Variants in UACA observed in about 807,000 individuals in gnomAD.
UACA encodes the protein nuclear membrane binding protein.
Under a neutral mutation model 160.5 loss-of-function variants are expected in UACA, and 112 were observed. That is an observed-to-expected ratio of 0.70 (90% CI 0.60 to 0.82). The LOEUF (loss-of-function observed/expected upper bound fraction) is 0.82, where lower values mean the gene tolerates loss of function less well. Ranked by LOEUF, UACA falls within the 40% of genes least tolerant of loss-of-function variation. The probability of loss-of-function intolerance (pLI) is 0.00; values close to 1 mark genes in which losing one functional copy is unlikely to be tolerated. For synonymous variants in UACA, 557 were observed against 568.4 expected (o/e 0.98, Z 0.29); for missense variants, 1,574 against 1,614.6 (o/e 0.97, Z 0.43).
chr15:70,749,948 G>A (rs933990308), intron 1 of UACA, among the ~76,000 whole-genome samples: 10 of 152,112 alleles, frequency 6.6e-5, no homozygotes, highest in African/African-American at 1.9e-4. Flanking sequence ...CTCTTACAGC[G>A]TAATTACCAT....
intron 1 of UACA, among the ~76,000 whole-genome samples, chr15:70,712,076 A>ATATATATATATATATATATATATATAT (rs1898700698): frequency 6.7e-6 from 1 of 149,106 alleles, no homozygotes; most frequent in Non-Finnish European, 1.5e-5. Flanking sequence ...ATCTCCATAT[A>ATATATATATATATATATATATATATAT]CCTTCTTCAT....
At chr15:70,688,125 A>G (rs1420945866) in intron 5 of UACA, among the ~76,000 whole-genome samples, 1 of 152,294 alleles carries the variant, frequency 6.6e-6, no homozygotes, top group Non-Finnish European at 1.5e-5. Flanking sequence ...TACTTACAGT[A>G]TATTTTTAAA....
chr15:70,669,229 C>T lies in UACA; in HGVS notation c.1455G>A (p.Lys485=), dbSNP rs1163578023. The change falls in exon 16 of 19, where the codon AAG becomes AAA. Residue 485 remains lysine (K), a synonymous_variant. Transcript: ENST00000322954. The part of the protein sequence containing the change: ...KALALECERV[K]EDSDEQIKQL... ...GCTTTATCTGTTCATCTGAATCCTC[C>T]TTGACCCTTTCACATTCTAATGCTA... 4 of 1,614,024 alleles carry T rather than the reference C, an allele frequency of 2.5e-6. No individual in the cohort carries two copies. In the East Asian group the frequency reaches 8.9e-5, roughly 36 times the overall value.
intron 4 of UACA, among the ~76,000 whole-genome samples, chr15:70,690,781 T>G (rs1284881938): frequency 6.6e-6 from 1 of 152,138 alleles, no homozygotes; most frequent in East Asian, 1.9e-4. Context: ...TTTGGGGTTT[T>G]TTTTTCCACC....
chr15:70,667,024 A>C lies in UACA; in HGVS notation c.3660T>G (p.Thr1220=), dbSNP rs1295306150. 1 of 1,613,342 alleles carries C rather than the reference A, an allele frequency of 6.2e-7. No homozygotes were observed. The highest frequency in any genetic ancestry group is 1.7e-5 in the Admixed American group (1 of 59,934). The change falls in exon 16 of 19, where the codon ACT becomes ACG. Residue 1220 remains threonine (T), a synonymous_variant. Coordinates refer to ENST00000322954, the MANE Select transcript of UACA (RefSeq NM_018003.4). ...NTKQALKKLE[T]REVVDLSKYK... The stretch of plus-strand genomic sequence containing the variant: ...ATTTAGACAAGTCAACTACCTCTCT[A>C]GTCTCTAATTTTTTTAATGCTTGTT...
intron 1 of UACA, among the ~76,000 whole-genome samples, chr15:70,736,447 G>C (rs893984479): frequency 8.6e-5 from 13 of 151,630 alleles, no homozygotes; most frequent in South Asian, 6.3e-4. Flanking sequence ...GCTTTTTTTG[G>C]GGGGTGGGAT....
At chr15:70,709,545 A>G (rs184131057) in intron 1 of UACA, among the ~76,000 whole-genome samples, 1 of 152,318 alleles carries the variant, frequency 6.6e-6, no homozygotes, top group East Asian at 1.9e-4. Context: ...AAAGCCTAGA[A>G]TACATTTAAG....
Position 70,664,728 on chromosome 15 carries a change from G to GT in UACA, c.4046_4047insA (p.Lys1350GlnfsTer8). The stretch of plus-strand genomic sequence containing the variant: ...TGTCAATCAGCTGGCTCTGCCTCTT[G>GT]GTGGGGTTCCCACTTGTGTAGGTGA... On this transcript the variant is annotated frameshift_variant, in exon 17 of 19. Transcript: ENST00000322954. LOFTEE classifies it high-confidence loss of function. 6.2e-7 allele frequency: 1 copy of GT among 1,613,622 alleles called. No individual in the cohort carries two copies. The highest frequency in any genetic ancestry group is 8.5e-7 in the Non-Finnish European group (1 of 1,179,804).
intron 3 of UACA, 68 bp from the exon 4 acceptor site, chr15:70,691,431 AAT>A (rs1897930915): frequency 1.7e-6 from 2 of 1,196,502 alleles, no homozygotes; most frequent in East Asian, 2.4e-5. Flanking sequence ...TTTTTATAGA[AAT>A]ATGATTCTTT....
intron 16 of UACA, among the ~76,000 whole-genome samples, chr15:70,666,186 G>A (rs887010489): frequency 6.6e-6 from 1 of 152,138 alleles, no homozygotes; most frequent in Non-Finnish European, 1.5e-5. Context: ...TTAAGAAGGA[G>A]GATAACATGT....
At chr15:70,770,103 T>G in the UACA span, among the ~76,000 whole-genome samples, 2 of 152,236 alleles carry the variant, frequency 1.3e-5, no homozygotes, top group South Asian at 4.1e-4. Context: ...TTTTTGAACA[T>G]TTGATTACCA....
intron 2 of UACA, among the ~76,000 whole-genome samples, chr15:70,697,802 G>C (rs11072214): frequency 6.6e-6 from 1 of 152,162 alleles, no homozygotes; most frequent in Non-Finnish European, 1.5e-5. Flanking sequence ...TGTAATCCCA[G>C]TACTTTGGGA....
chr15:70,676,504 T>C lies in UACA; in HGVS notation c.1120A>G (p.Lys374Glu). 2 of 1,608,736 alleles carry C rather than the reference T, an allele frequency of 1.2e-6. No individual in the cohort carries two copies. Among genetic ancestry groups the C allele is most frequent in the East Asian group, 4.5e-5 (2 of 44,714 alleles). ...RTIEALKNRF[K>E]YFESDHLGSG... ...TATCCTTTCTATACCTCAAAATATT[T>C]AAATCTATTTTTCAGAGCCTCAATA... The change falls in exon 13 of 19, where the codon AAA (lysine) becomes GAA (glutamate). Residue 374 changes from lysine to glutamate, a missense_variant. Physicochemically the swap from Lys to Glu is moderately conservative, Grantham distance 56 (BLOSUM62 1). Transcript: ENST00000322954.
At chr15:70,683,658 A>T (rs1221777310) in intron 8 of UACA, among the ~76,000 whole-genome samples, 1 of 152,136 alleles carries the variant, frequency 6.6e-6, no homozygotes, top group Non-Finnish European at 1.5e-5. Flanking sequence ...CTATAGAAAA[A>T]CTATTTTTGA....
rs375166439 is a variant in UACA, at chr15:70,763,390, G to A, written c.18C>T (p.Ser6=). The change falls in exon 1 of 19, where the codon TCC becomes TCT. Residue 6 remains serine, a synonymous_variant. Coordinates refer to ENST00000322954, the MANE Select transcript of UACA (RefSeq NM_018003.4). Reference sequence around the variant, plus strand: ...CGGGCACGTCCTGCCTCCTCAGGCGGGACTTGAGGCTCTTCATGGCTAACT... The same window carrying A: ...CGGGCACGTCCTGCCTCCTCAGGCGAGACTTGAGGCTCTTCATGGCTAACT... MKSLK[S]RLRRQDVPGP... 361 of 1,327,014 alleles carry A rather than the reference G, an allele frequency of 2.7e-4. 1 individual carries two copies. In the African/African-American group the frequency reaches 5.3e-3, roughly 19 times the overall value. The allele number at this position is 1,327,014 out of a possible 1,614,324, so 82.2% of individuals were successfully genotyped here. A position where few individuals can be genotyped will look rare whatever the true frequency, so the allele number is the denominator to read the frequency against.
rs955058992 is a variant in UACA, at chr15:70,687,643, C to T, written c.499G>A (p.Gly167Arg). The T allele has an allele frequency of 2.3e-5, 37 of 1,613,670 alleles. No individual in the cohort carries two copies. Among genetic ancestry groups the T allele is most frequent in the Non-Finnish European group, 2.7e-5 (32 of 1,179,808 alleles). ...GASVNAKDVDGRTPLVLATQM... is the reference protein window; with the variant it reads ...GASVNAKDVDRRTPLVLATQM... ...GTAGCCAGAACAAGTGGTGTCCGCC[C>T]GTCCTAAGCAACAGGAAAAATAAAA... Residue 167 changes from glycine (G) to arginine (R), a missense_variant, in exon 7 of 19, where the codon GGG (glycine) becomes AGG (arginine). Transcript: ENST00000322954.
At chr15:70,711,230 C>A (rs576296092) in intron 1 of UACA, among the ~76,000 whole-genome samples, 3 of 152,010 alleles carry the variant, frequency 2.0e-5, no homozygotes, top group Admixed American at 6.5e-5. Context: ...CTCCTTTGCA[C>A]AATATAGAAT....
intron 13 of UACA, among the ~76,000 whole-genome samples, chr15:70,674,623 CAG>C (rs1897250830): frequency 6.6e-6 from 1 of 151,742 alleles, no homozygotes; most frequent in Non-Finnish European, 1.5e-5. Flanking sequence ...CCCCTTGAAA[CAG>C]AGTCTCACTG....
At chr15:70,671,239 T>C in intron 14 of UACA, 148 bp from the exon 15 acceptor site, 1 of 489,780 alleles carries the variant, frequency 2.0e-6, no homozygotes, top group Non-Finnish European at 3.6e-6. Flanking sequence ...AAATACCCAT[T>C]TTCCCCTTAT....
Sources: gnomAD v4.1 joint callset for allele counts (sites outside exome capture counted in the v4.1 genomes callset) on GRCh38, gnomAD v4.1.1 for gene constraint, MANE v1.5 for transcripts, NCBI Gene and HGNC (gene_info 2026-07-23, HGNC 2026-07-21) for gene names.